Variants in GDAP1 observed in about 807,000 individuals in gnomAD.
The protein encoded by GDAP1 is ganglioside induced differentiation associated protein 1, also known as ganglioside-induced differentiation-associated protein 1.
In GDAP1, 34 loss-of-function variants were observed where a neutral mutation model predicts 40.1. The observed-to-expected ratio is 0.85, with a 90% confidence interval of 0.64 to 1.13. The LOEUF (loss-of-function observed/expected upper bound fraction) is 1.13. GDAP1 is among the 50% of genes most tolerant of loss of function. GDAP1 has a pLI of 0.00. For synonymous variants in GDAP1, 170 were observed against 157.4 expected, an observed-to-expected ratio of 1.08 and a Z score of -0.60; for missense variants, 374 against 433.7, an observed-to-expected ratio of 0.86 and a Z score of 1.22.
chr8:74,371,384 G>T (rs913799202), downstream of GDAP1, among the ~76,000 whole-genome samples: 1 of 152,224 alleles, frequency 6.6e-6, no homozygotes, highest in African/African-American at 2.4e-5. Flanking sequence ...AATATGGCCG[G>T]GCGCGGTGGC....
intron 2 of GDAP1, among the ~76,000 whole-genome samples, chr8:74,397,646 G>A (rs1276411318): frequency 1.3e-5 from 2 of 152,026 alleles, no homozygotes; most frequent in Non-Finnish European, 2.9e-5. Flanking sequence ...TCTCAGGTTT[G>A]TGAAAGATCA....
chr8:74,356,692 T>TTG (rs1471554956), intron 2 of GDAP1, among the ~76,000 whole-genome samples: 66 of 95,300 alleles, frequency 6.9e-4, no homozygotes, highest in African/African-American at 1.5e-3. Context: ...GTGTGTGTGT[T>TTG]TGTGTGTGTG....
rs950425885 is a variant in GDAP1, at chr8:74,365,838, A to G, written c.*1471A>G. 2.4e-5 allele frequency: 11 copies of G among 453,888 alleles called. No homozygotes were observed. The East Asian group carries it at 6.9e-4, about 29-fold the overall frequency. The allele number at this position is 453,888 out of a possible 1,614,324, so 28.1% of individuals were successfully genotyped here. A position where few individuals can be genotyped will look rare whatever the true frequency, so the allele number is the denominator to read the frequency against. On this transcript the variant is annotated 3_prime_UTR_variant, in exon 6 of 6. Transcript: ENST00000220822. ...AGTAAACTCAGTCAAACAATAATTGAGTAGCAGCTTTTATAACATTTAAAA... is the reference window on the plus strand; with the variant it reads ...AGTAAACTCAGTCAAACAATAATTGGGTAGCAGCTTTTATAACATTTAAAA...
At chr8:74,420,339 C>T (rs1409379080) in intron 2 of GDAP1, among the ~76,000 whole-genome samples, 1 of 152,074 alleles carries the variant, frequency 6.6e-6, no homozygotes, top group Admixed American at 6.6e-5. Flanking sequence ...AATTTATAGA[C>T]CCAGGTTCAT....
chr8:74,366,493 A>G lies in GDAP1; in HGVS notation c.*2126A>G, dbSNP rs1273066092. 4.4e-6 allele frequency: 2 copies of G among 454,368 alleles called. No homozygotes were observed. The highest frequency in any genetic ancestry group is 8.8e-6 in the Non-Finnish European group (2 of 226,748). The allele number at this position is 454,368 out of a possible 1,614,324, so 28.1% of individuals were successfully genotyped here. Reference sequence around the variant, plus strand: ...GGGATTACAGTATCACACAATGTCAAGCTAGAGTTAAACACAGTATTAGCT... The same window carrying G: ...GGGATTACAGTATCACACAATGTCAGGCTAGAGTTAAACACAGTATTAGCT... On this transcript the variant is annotated 3_prime_UTR_variant, in exon 6 of 6. Coordinates refer to ENST00000220822, the MANE Select transcript of GDAP1 (RefSeq NM_018972.4).
intron 2 of GDAP1, among the ~76,000 whole-genome samples, chr8:74,385,305 C>T (rs1810009997): frequency 6.6e-6 from 1 of 152,110 alleles, no homozygotes. Flanking sequence ...TTAGGTATTT[C>T]TCCTAATGCT....
chr8:74,474,693 G>C (rs1806603065), intron 2 of GDAP1, among the ~76,000 whole-genome samples: 1 of 152,172 alleles, frequency 6.6e-6, no homozygotes, highest in East Asian at 1.9e-4. Flanking sequence ...AATTCAGTTT[G>C]CTAGTATTAT....
At chr8:74,354,664 A>G (rs1185159781) in intron 2 of GDAP1, among the ~76,000 whole-genome samples, 3 of 152,234 alleles carry the variant, frequency 2.0e-5, no homozygotes, top group South Asian at 2.1e-4. Context: ...AACCTGGTTA[A>G]TAGATAGTAA....
In GDAP1 at chr8:74,360,285, G is replaced by A. The variant is rs149804782; in HGVS notation, c.459G>A (p.Pro153=). The A allele has an allele frequency of 1.4e-4, 229 of 1,613,890 alleles. No individual in the cohort carries two copies. The African/African-American group carries it at 1.7e-3, about 12-fold the overall frequency. ...HPELTVDSMI[P]AYATTRIRSQ... is the part of the protein sequence containing the mutation. ...AGTTAACTGTGGACTCCATGATCCC[G>A]GCTTATGCAACTACAAGGATTCGTA... Residue 153 remains proline (P), a synonymous_variant, in exon 3 of 6, where the codon CCG becomes CCA. Coordinates refer to ENST00000220822, the MANE Select transcript of GDAP1 (RefSeq NM_018972.4).
chr8:74,358,186 C>T (rs572950237), intron 2 of GDAP1, among the ~76,000 whole-genome samples: 2 of 152,314 alleles, frequency 1.3e-5, no homozygotes, highest in Middle Eastern at 6.8e-3. Context: ...AACATTTGTC[C>T]TCCTTGAAGA....
At chr8:74,455,060 A>C (rs1341674906) in intron 2 of GDAP1, among the ~76,000 whole-genome samples, 1 of 151,998 alleles carries the variant, frequency 6.6e-6, no homozygotes, top group East Asian at 1.9e-4. Flanking sequence ...GAGAAGAATA[A>C]AGACAATATG....
chr8:74,366,502 T>TA lies in GDAP1; in HGVS notation c.*2138dup, dbSNP rs1809642782. On this transcript the variant is annotated 3_prime_UTR_variant, in exon 6 of 6. Transcript: ENST00000220822. Reference sequence around the variant, plus strand: ...GTATCACACAATGTCAAGCTAGAGTTAAACACAGTATTAGCTAAATAGGCA... The same window carrying TA: ...GTATCACACAATGTCAAGCTAGAGTTAAAACACAGTATTAGCTAAATAGGCA... 1 of 454,310 alleles carries TA rather than the reference T, an allele frequency of 2.2e-6. No homozygotes were observed. The highest frequency in any genetic ancestry group is 2.0e-5 in the African/African-American group (1 of 50,016). The allele number at this position is 454,310 out of a possible 1,614,324, so 28.1% of individuals were successfully genotyped here. A position where few individuals can be genotyped will look rare whatever the true frequency, so the allele number is the denominator to read the frequency against.
chr8:74,466,093 G>A (rs1438283174), intron 2 of GDAP1, among the ~76,000 whole-genome samples: 1 of 152,146 alleles, frequency 6.6e-6, no homozygotes, highest in Non-Finnish European at 1.5e-5. Context: ...TCTTTTCAGA[G>A]GGACGTGCTT....
intron 2 of GDAP1, among the ~76,000 whole-genome samples, chr8:74,462,918 C>T (rs1019778486): frequency 2.3e-4 from 35 of 150,748 alleles, no homozygotes; most frequent in African/African-American, 7.8e-4. Flanking sequence ...TGAATTGTTT[C>T]ATTCAGAAGA....
chr8:74,479,218 C>T (rs1379456127), intron 2 of GDAP1, among the ~76,000 whole-genome samples: 1 of 152,100 alleles, frequency 6.6e-6, no homozygotes, highest in East Asian at 1.9e-4. Context: ...TTTAAAATTT[C>T]CAGGTAGAAG....
rs985693987 is a variant in GDAP1, at chr8:74,408,850, T to C, written c.165+57529T>C. ...TGAATCCTTCTAATGTGGCAGTGAG[T>C]ATTCCCCACTGGAATCCTGAGGAAG... On this transcript the variant is annotated intron_variant, in intron 2 of 2. Coordinates refer to the GDAP1 transcript ENST00000523640. Among the ~76,000 whole-genome samples, 7 of 149,950 alleles carry C rather than the reference T, an allele frequency of 4.7e-5. 1 individual carries two copies. Among genetic ancestry groups the C allele is most frequent in the African/African-American group, 1.8e-4 (7 of 39,320 alleles).
intron 2 of GDAP1, among the ~76,000 whole-genome samples, chr8:74,433,115 T>G (rs1216065638): frequency 6.6e-6 from 1 of 152,216 alleles, no homozygotes; most frequent in Non-Finnish European, 1.5e-5. Flanking sequence ...GGTTGGTGCC[T>G]GCTCATTATT....
rs912061218 is a variant in GDAP1 at position 74,462,254 on chromosome 8, T to C, written c.166-26424T>C. Among the ~76,000 whole-genome samples the C allele has an allele frequency of 4.7e-4, 71 of 152,230 alleles. 1 individual carries two copies. Among genetic ancestry groups the C allele is most frequent in the Non-Finnish European group, 4.3e-4 (29 of 68,032 alleles). On this transcript the variant is annotated intron_variant, in intron 2 of 2. Coordinates refer to the GDAP1 transcript ENST00000523640. ...CTGGCTGGGCTGGGCTACTTATTTT[T>C]TATTGATTGTGTGTTCTAAGTGGAG... is the stretch of plus-strand genomic sequence containing the variant.
At chr8:74,435,908 T>C (rs1409350100) in intron 2 of GDAP1, among the ~76,000 whole-genome samples, 2 of 152,222 alleles carry the variant, frequency 1.3e-5, no homozygotes, top group Non-Finnish European at 2.9e-5. Context: ...CTCCAACTTG[T>C]AGCTCAATAT....
Sources: gnomAD v4.1 joint callset for allele counts (sites outside exome capture counted in the v4.1 genomes callset) on GRCh38, gnomAD v4.1.1 for gene constraint, MANE v1.5 for transcripts, NCBI Gene and HGNC (gene_info 2026-07-23, HGNC 2026-07-21) for gene names.